The following MYO16 variants were observed in gnomAD, a reference collection of about 807,000 sequenced individuals.
MYO16 encodes myosin XVI, also known as unconventional myosin-XVI.
Under a neutral mutation model 205.3 loss-of-function variants are expected in MYO16, and 94 were observed. That is an observed-to-expected ratio of 0.46 (90% CI 0.39 to 0.54). The LOEUF is 0.54. MYO16 is among the 20% of genes least tolerant of loss of function. The pLI, the probability that MYO16 is intolerant of heterozygous loss-of-function variation, is 0.00. For synonymous variants in MYO16, 988 were observed against 954.0 expected, an observed-to-expected ratio of 1.04 and a Z score of -0.66; for missense variants, 2,315 against 2,387.5, an observed-to-expected ratio of 0.97 and a Z score of 0.63.
intron 27 of MYO16, among the ~76,000 whole-genome samples, chr13:109,080,991 TTATC>T (rs1888263793): frequency 1.3e-5 from 2 of 152,068 alleles, no homozygotes; most frequent in South Asian, 4.2e-4. Flanking sequence ...CTAACAATAT[TTATC>T]TATTTCAAGC....
chr13:108,721,152 A>T (rs1480350946), intron 3 of MYO16, among the ~76,000 whole-genome samples: 1 of 152,238 alleles, frequency 6.6e-6, no homozygotes, highest in South Asian at 2.1e-4. Context: ...TACAAATGAA[A>T]TAGTGCAGTA....
At chr13:109,112,880 C>T (rs985131530) in intron 28 of MYO16, among the ~76,000 whole-genome samples, 6 of 152,188 alleles carry the variant, frequency 3.9e-5, no homozygotes, top group Admixed American at 2.0e-4. Context: ...TTTCCTTCAC[C>T]TTAATACATG....
chr13:108,712,849 T>A, intron 3 of MYO16, 118 bp downstream of exon 3: 1 of 725,248 alleles, frequency 1.4e-6, no homozygotes, highest in Non-Finnish European at 2.2e-6. Context: ...AGATGATGTG[T>A]TTCTAATTAA....
chr13:109,010,976 T>TA (rs59979915), intron 22 of MYO16, among the ~76,000 whole-genome samples: 3 of 143,208 alleles, frequency 2.1e-5, no homozygotes, highest in Admixed American at 7.0e-5. Flanking sequence ...TATATATATA[T>TA]TTCTTCACCT....
At chr13:109,048,780 A>G (rs75637728) in intron 24 of MYO16, 1,620 of 153,304 alleles carry the variant, frequency 0.011, 27 homozygotes, top group African/African-American at 0.037. Context: ...CGTAGCATCA[A>G]AAAGCTCCCA....
chr13:108,523,270 C>T, the MYO16 span, among the ~76,000 whole-genome samples: 1 of 152,186 alleles, frequency 6.6e-6, no homozygotes, highest in South Asian at 2.1e-4. Context: ...TAAGAGGAAA[C>T]TCAGATTTCT....
At chr13:109,159,216 C>T (rs1416254280) in intron 32 of MYO16, among the ~76,000 whole-genome samples, 3 of 152,132 alleles carry the variant, frequency 2.0e-5, no homozygotes, top group Non-Finnish European at 4.4e-5. Flanking sequence ...AAAATATTCA[C>T]CTCATGCAAT....
chr13:108,713,934 A>T (rs1357662580), intron 3 of MYO16, among the ~76,000 whole-genome samples: 3 of 152,196 alleles, frequency 2.0e-5, no homozygotes, highest in African/African-American at 7.2e-5. Flanking sequence ...GCCATGTCTC[A>T]TTAGTCCCTA....
chr13:108,552,138 A>G, the MYO16 span, among the ~76,000 whole-genome samples: 1 of 152,144 alleles, frequency 6.6e-6, no homozygotes, highest in African/African-American at 2.4e-5. Context: ...TGGGCCAAAG[A>G]TACATGCTTC....
chr13:108,774,600 A>G (rs1383563014), intron 4 of MYO16, among the ~76,000 whole-genome samples: 1 of 152,100 alleles, frequency 6.6e-6, no homozygotes. Context: ...CTTACAGTCT[A>G]TGTTGTACAA....
the MYO16 span, among the ~76,000 whole-genome samples, chr13:108,556,516 T>G: frequency 6.6e-6 from 1 of 152,326 alleles, no homozygotes; most frequent in East Asian, 1.9e-4. Context: ...GAGTTCCTTA[T>G]GTATTTTGGA....
At chr13:109,177,656 T>A (rs1879266652) in intron 33 of MYO16, among the ~76,000 whole-genome samples, 1 of 152,118 alleles carries the variant, frequency 6.6e-6, no homozygotes, top group Non-Finnish European at 1.5e-5. Flanking sequence ...TAGCTGAGAC[T>A]ACAGGTGTGC....
chr13:108,871,322 TTGTGTGTGTGTGTGTG>T (rs58117690), intron 12 of MYO16, among the ~76,000 whole-genome samples: 1 of 131,466 alleles, frequency 7.6e-6, no homozygotes, highest in African/African-American at 2.8e-5. Flanking sequence ...CTATGTGACT[TTGTGTGTGTGTGTGTG>T]TGTGTGTGTG....
rs534483312 is a variant in MYO16, at chr13:109,207,126, T to C, written c.*290T>C. ...AGCAAGAGAGAGGCTGGGAAAAGTG[T>C]GGACGTGGCCAGAGCGAGAGAGTAG... On this transcript the variant is annotated 3_prime_UTR_variant, in exon 35 of 35. Transcript: ENST00000457511. 24 of 387,986 alleles carry C rather than the reference T, an allele frequency of 6.2e-5. No individual in the cohort carries two copies. In the South Asian group the frequency reaches 7.3e-4, roughly 12 times the overall value. 24.0% of individuals were successfully genotyped at this position (387,986 alleles called of 1,614,324 possible). A position where few individuals can be genotyped will look rare whatever the true frequency, so the allele number is the denominator to read the frequency against.
At chr13:108,694,751 C>CT (rs1177861180) in intron 2 of MYO16, among the ~76,000 whole-genome samples, 1 of 152,108 alleles carries the variant, frequency 6.6e-6, no homozygotes, top group African/African-American at 2.4e-5. Flanking sequence ...TTCTTTTGTG[C>CT]TTGTGTTGTT....
the MYO16 span, among the ~76,000 whole-genome samples, chr13:108,510,375 C>T: frequency 6.7e-6 from 1 of 150,026 alleles, no homozygotes; most frequent in Non-Finnish European, 1.5e-5. Flanking sequence ...CCTTGGCGTC[C>T]CAAAGTGCTG....
At position 109,174,923 on chromosome 13, in the gene MYO16, AT is replaced by A. The variant is rs566733610; in HGVS notation, c.5324-4611del. ...CATGCCACCACATTTTTTTTTTTGT[AT>A]TTTTTTTAGTAGAGGCAGGGTTTCA... On this transcript the variant is annotated intron_variant, in intron 33 of 34. Transcript: ENST00000457511. Among the ~76,000 whole-genome samples, 964 of 144,254 alleles carry A rather than the reference AT, an allele frequency of 6.7e-3. 7 individuals carry two copies. Among genetic ancestry groups the A allele is most frequent in the Middle Eastern group, 0.031 (9 of 288 alleles). 94.6% of individuals were successfully genotyped at this position (144,254 alleles called of 152,430 possible). A position where few individuals can be genotyped will look rare whatever the true frequency, so the allele number is the denominator to read the frequency against.
At position 109,154,911 on chromosome 13, in the gene MYO16, G is replaced by GAAAAAAAAA. The variant is rs59465499; in HGVS notation, c.5165-9972_5165-9964dup. ...AGGTATTGCATACTCGGCTAATTAT[G>GAAAAAAAAA]AAAAAAAAAAAAAAAAAAAAAAAAA... On this transcript the variant is annotated intron_variant, in intron 32 of 34. Transcript: ENST00000457511. Among the ~76,000 whole-genome samples the GAAAAAAAAA allele has an allele frequency of 3.9e-3, 244 of 62,678 alleles. 26 individuals are homozygous for GAAAAAAAAA. Among genetic ancestry groups the GAAAAAAAAA allele is most frequent in the Non-Finnish European group, 5.8e-3 (197 of 33,820 alleles). The allele number at this position is 62,678 out of a possible 152,430, so 41.1% of individuals were successfully genotyped here.
chr13:108,543,980 G>A, the MYO16 span, among the ~76,000 whole-genome samples: 103 of 143,932 alleles, frequency 7.2e-4, 1 homozygote, highest in Admixed American at 7.3e-3. Context: ...CAGAAGAATC[G>A]CTTGAACTTG....
Sources: gnomAD v4.1 joint callset for allele counts (sites outside exome capture counted in the v4.1 genomes callset) on GRCh38, gnomAD v4.1.1 for gene constraint, MANE v1.5 for transcripts, NCBI Gene and HGNC (gene_info 2026-07-23, HGNC 2026-07-21) for gene names.